SIDT2: variants seen among roughly 807,000 people sequenced by gnomAD.
SIDT2 encodes SID1 transmembrane family, member 2.
Under a neutral mutation model 114.4 loss-of-function variants are expected in SIDT2, and 68 were observed. The observed-to-expected ratio is 0.59, with a 90% CI of 0.49 to 0.73. SIDT2 has a LOEUF of 0.73. Among genes scored for constraint, SIDT2 ranks in the 30% least tolerant of loss-of-function variants. The pLI is 0.00. For synonymous variants in SIDT2, 470 were observed against 438.4 expected (o/e 1.07, Z -0.90); for missense variants, 918 against 1,097.1 (o/e 0.84, Z 2.31).
At chr11:117,184,301 C>T (rs887255332) in intron 8 of SIDT2, among the ~76,000 whole-genome samples, 162 bp downstream of exon 8, 2 of 151,896 alleles carry the variant, frequency 1.3e-5, no homozygotes, top group African/African-American at 2.4e-5. Context: ...TGGGGAGGGC[C>T]GGGAGGTGAG....
intron 8 of SIDT2, 70 bp from the exon 9 acceptor site, chr11:117,186,060 G>A: frequency 7.8e-7 from 1 of 1,278,518 alleles, no homozygotes; most frequent in Non-Finnish European, 1.1e-6. Flanking sequence ...GGACATGAAG[G>A]CCTTTGGGTG....
intron 24 of SIDT2, among the ~76,000 whole-genome samples, chr11:117,194,617 G>A (rs918186884): frequency 6.6e-6 from 1 of 152,218 alleles, no homozygotes; most frequent in Non-Finnish European, 1.5e-5. Context: ...TAAACTAGCC[G>A]AAGAGGGCTA....
intron 2 of SIDT2, 95 bp from the exon 3 acceptor site, chr11:117,181,712 G>A: frequency 1.9e-6 from 3 of 1,585,976 alleles, no homozygotes; most frequent in Non-Finnish European, 2.6e-6. Flanking sequence ...GGGAGGTGGT[G>A]GAGACCAGAC....
At position 117,191,910 on chromosome 11, in the gene SIDT2, T is replaced by C. The variant is rs1363772404; in HGVS notation, c.1768T>C (p.Cys590Arg). 6.2e-7 allele frequency: 1 copy of C among 1,614,154 alleles called. No individual in the cohort carries two copies. Residue 590 changes from cysteine to arginine, a missense_variant, in exon 19 of 26, where the codon TGC becomes CGC. Physicochemically the swap from Cys to Arg is radical, Grantham distance 180. This residue lies in a region of SIDT2 where 275 missense variants were observed against 397.6 expected (regional missense o/e 0.69). Transcript: ENST00000324225. ...TSFMYMIAGL[C>R]MLKLYQKRHP... ...GTTCATGTACATGATCGCCGGACTC[T>C]GCATGCTGAAGCTCTACCAGAAGCG...
In SIDT2 at chr11:117,190,194, G is replaced by A; in HGVS notation, c.1522G>A (p.Gly508Arg). 1.3e-6 allele frequency: 2 copies of A among 1,582,316 alleles called. No individual in the cohort carries two copies. The change falls in exon 17 of 26, where the codon GGG (glycine) becomes AGG (arginine). Residue 508 changes from glycine (G) to arginine (R), a missense_variant. By Grantham distance (125) the Gly-to-Arg change is moderately radical. Around this residue, in one of 4 missense-constraint regions of SIDT2, gnomAD observed 72 missense variants for 59.9 expected, o/e 1.20. Coordinates refer to ENST00000324225, the MANE Select transcript of SIDT2 (RefSeq NM_001040455.2). This position sits in a 1 kb window ranked among gnomAD's most constrained non-coding sequence, Gnocchi z 4.1. ...SAFNNILSNL[G>R]YILLGLLFLL... ...CTTCAACAACATCCTCAGCAACCTG[G>A]GGTACATCCTGCTGGGGCTGCTTTT...
At chr11:117,184,820 G>C (rs771071420) in intron 8 of SIDT2, among the ~76,000 whole-genome samples, 1 of 152,130 alleles carries the variant, frequency 6.6e-6, no homozygotes, top group Non-Finnish European at 1.5e-5. Flanking sequence ...CCGCCTCCCG[G>C]GTTCAAATGA....
At position 117,185,871 on chromosome 11, in the gene SIDT2, C is replaced by CAA. The variant is rs34117588; in HGVS notation, c.869-236_869-235dup. On this transcript the variant is annotated intron_variant, in intron 8 of 25. Coordinates refer to ENST00000324225, the MANE Select transcript of SIDT2 (RefSeq NM_001040455.2). ...CATGGGTAACAGAGTGAGCCCGTCTCAAAAAAAAAAAAAAAAAAAAAAAAG... is the reference window on the plus strand; with the variant it reads ...CATGGGTAACAGAGTGAGCCCGTCTCAAAAAAAAAAAAAAAAAAAAAAAAAAG... 2.1e-3 allele frequency: 381 copies of CAA among 180,332 alleles called. 1 individual carries two copies. Among genetic ancestry groups the CAA allele is most frequent in the South Asian group, 7.4e-3 (149 of 20,068 alleles). The allele number at this position is 180,332 out of a possible 1,614,324, so 11.2% of individuals were successfully genotyped here.
Position 117,190,926 on chromosome 11 carries a change from C to G in SIDT2, c.1735+186C>G. 1.7e-6 allele frequency: 1 copy of G among 576,786 alleles called. No homozygotes were observed. Among genetic ancestry groups the G allele is most frequent in the Middle Eastern group, 4.0e-4 (1 of 2,524 alleles). 35.7% of individuals were successfully genotyped at this position (576,786 alleles called of 1,614,324 possible). A position where few individuals can be genotyped will look rare whatever the true frequency, so the allele number is the denominator to read the frequency against. On this transcript the variant is annotated intron_variant, in intron 18 of 25. Transcript: ENST00000324225. This position sits in a 1 kb window ranked among gnomAD's most constrained non-coding sequence, Gnocchi z 4.1. The stretch of plus-strand genomic sequence containing the variant: ...GGCACCTAGATGCTGCTTCATTCAT[C>G]TGTCAAGCTATTCCTATGTAAAGGC...
At chr11:117,181,393 G>A in intron 1 of SIDT2, 23 bp from the exon 2 acceptor site, 1 of 1,612,882 alleles carries the variant, frequency 6.2e-7, no homozygotes, top group Non-Finnish European at 8.5e-7. Flanking sequence ...AGGCTTGAGA[G>A]GCATTTCCAT....
Position 117,187,706 on chromosome 11 carries a change from G to A in SIDT2, c.1159+7G>A. 1.2e-6 allele frequency: 2 copies of A among 1,613,702 alleles called. No individual in the cohort carries two copies. The highest frequency in any genetic ancestry group is 1.3e-5 in the African/African-American group (1 of 74,962). ...CTCTCTTACGGTTACCAGGGTGAGT[G>A]GGCCAGGCTGGGAGGGGCGGTGTGG... On this transcript the variant is annotated splice_region_variant and intron_variant, in intron 12 of 25. Transcript: ENST00000324225.
At chr11:117,193,050 G>C in intron 22 of SIDT2, 103 bp from the exon 23 acceptor site, 1 of 1,396,700 alleles carries the variant, frequency 7.2e-7, no homozygotes, top group Non-Finnish European at 1.0e-6. Context: ...GTGGGCTTCT[G>C]AACACAGCCC....
rs762756764 is a variant in SIDT2 at position 117,179,439 on chromosome 11, G to C, written c.176G>C (p.Arg59Pro). Residue 59 changes from arginine (R) to proline (P), a missense_variant, in exon 1 of 26, where the codon CGC becomes CCC. Arg to Pro is a moderately radical substitution (Grantham distance 103). Around this residue, in one of 4 missense-constraint regions of SIDT2, gnomAD observed 553 missense variants for 600.1 expected, o/e 0.92. Coordinates refer to ENST00000324225, the MANE Select transcript of SIDT2 (RefSeq NM_001040455.2). The stretch of plus-strand genomic sequence containing the variant: ...TACACCTTCAACCATACTGTGACCC[G>C]CAACAGGGTGAGGGCTGGGGGCTTA... ...NIYTFNHTVT[R>P]NRTEGVRVSV... 5.6e-6 allele frequency: 9 copies of C among 1,612,720 alleles called. No individual in the cohort carries two copies. In the South Asian group the frequency reaches 9.9e-5, roughly 18 times the overall value.
chr11:117,179,191 G>T lies in SIDT2; in HGVS notation c.-73G>T, dbSNP rs1276590834. The T allele has an allele frequency of 6.8e-7, 1 of 1,474,854 alleles. No individual in the cohort carries two copies. Among genetic ancestry groups the T allele is most frequent in the Non-Finnish European group, 9.2e-7 (1 of 1,087,410 alleles). 91.4% of individuals were successfully genotyped at this position (1,474,854 alleles called of 1,614,324 possible). A position where few individuals can be genotyped will look rare whatever the true frequency, so the allele number is the denominator to read the frequency against. On this transcript the variant is annotated 5_prime_UTR_variant, in exon 1 of 26. Transcript: ENST00000324225. ...GAAGCTGCGGCCGCAGCCGCAACCC[G>T]TCCCGGAGGTGTCCTGTCTCCTGTC...
chr11:117,191,802 G>T, intron 18 of SIDT2, 76 bp from the exon 19 acceptor site: 2 of 1,568,096 alleles, frequency 1.3e-6, no homozygotes, highest in Non-Finnish European at 1.7e-6. Flanking sequence ...CTTCCTCTGG[G>T]ATTGTTGGGG....
intron 15 of SIDT2, chr11:117,189,657 A>G: frequency 1.7e-6 from 1 of 599,996 alleles, no homozygotes; most frequent in South Asian, 2.0e-5. Context: ...TATGAAACCA[A>G]AGTCCTGGGG....
At chr11:117,180,255 A>T (rs2030226301) in intron 1 of SIDT2, among the ~76,000 whole-genome samples, 1 of 151,734 alleles carries the variant, frequency 6.6e-6, no homozygotes, top group Non-Finnish European at 1.5e-5. Context: ...CAGAACGGGG[A>T]GTGGTTTGGT....
chr11:117,191,614 G>T (rs2030704804), intron 18 of SIDT2: 2 of 472,890 alleles, frequency 4.2e-6, no homozygotes, highest in Admixed American at 3.8e-5. Context: ...CCTGATCTCA[G>T]GGTGCTCACA....
intron 10 of SIDT2, chr11:117,187,131 T>C: frequency 7.9e-7 from 1 of 1,272,296 alleles, no homozygotes; most frequent in South Asian, 1.3e-5. Context: ...TAGATGTGCC[T>C]GTTCTTGAAC....
chr11:117,180,643 C>T (rs1384950249), intron 1 of SIDT2, among the ~76,000 whole-genome samples: 1 of 146,920 alleles, frequency 6.8e-6, no homozygotes, highest in Non-Finnish European at 1.5e-5. Flanking sequence ...TCAAGCGATT[C>T]TCCTGCCTCA....
Sources: allele counts gnomAD v4.1 joint callset (sites outside exome capture counted in the v4.1 genomes callset), GRCh38; gene constraint gnomAD v4.1.1; regional missense constraint gnomAD v4.1.1; non-coding constraint Gnocchi (gnomAD v3.1); transcripts MANE v1.5; gene names NCBI Gene and HGNC (gene_info 2026-07-23, HGNC 2026-07-21).